The following KAZN variants were observed in gnomAD, a reference collection of about 807,000 sequenced individuals.
KAZN encodes kazrin.
In KAZN, 40 loss-of-function variants were observed where a neutral mutation model predicts 87.4. That is an observed-to-expected ratio of 0.46 (90% CI 0.36 to 0.60). KAZN has a LOEUF of 0.60. Ranked by LOEUF, KAZN falls within the 20% of genes least tolerant of loss-of-function variation. KAZN has a pLI of 0.00. For synonymous variants in KAZN, 466 were observed against 458.3 expected (o/e 1.02, Z -0.22); for missense variants, 898 against 1,073.9 (o/e 0.84, Z 2.29).
At chr1:13,961,705 GA>G (rs1641760013) in intron 1 of KAZN, among the ~76,000 whole-genome samples, 1 of 152,152 alleles carries the variant, frequency 6.6e-6, no homozygotes, top group Admixed American at 6.5e-5. Flanking sequence ...AGCCCACAGG[GA>G]CTCAGACAAG....
At chr1:13,989,824 G>C (rs1366318941) in intron 1 of KAZN, among the ~76,000 whole-genome samples, 1 of 152,182 alleles carries the variant, frequency 6.6e-6, no homozygotes, top group Non-Finnish European at 1.5e-5. Flanking sequence ...ATTGCTGCCT[G>C]CTCAGAGGCC....
chr1:15,095,012 G>A (rs972965361), intron 10 of KAZN, 79 bp downstream of exon 10: 18 of 955,308 alleles, frequency 1.9e-5, no homozygotes, highest in East Asian at 1.3e-4. Flanking sequence ...TGGGGTGAGC[G>A]GGGCACTGTG....
chr1:14,043,562 G>A (rs1641929990), intron 1 of KAZN, among the ~76,000 whole-genome samples: 1 of 151,848 alleles, frequency 6.6e-6, no homozygotes, highest in Non-Finnish European at 1.5e-5. Context: ...TACCAGCAAA[G>A]CAAAACTGTC....
chr1:14,843,232 A>G (rs1040258541), intron 1 of KAZN, among the ~76,000 whole-genome samples: 2 of 152,206 alleles, frequency 1.3e-5, no homozygotes, highest in Non-Finnish European at 2.9e-5. Flanking sequence ...GACTCAAGGC[A>G]GTGTGTGGGG....
At chr1:14,796,418 G>T (rs117721354) in intron 1 of KAZN, among the ~76,000 whole-genome samples, 1 of 152,056 alleles carries the variant, frequency 6.6e-6, no homozygotes, top group East Asian at 1.9e-4. Flanking sequence ...CCACCACCCC[G>T]CCTTCACATG....
At chr1:14,579,783 C>T (rs1433650011) in intron 2 of KAZN, among the ~76,000 whole-genome samples, 3 of 152,064 alleles carry the variant, frequency 2.0e-5, no homozygotes, top group Non-Finnish European at 4.4e-5. Context: ...AAGCAGCATC[C>T]AGGGGGACTC....
intron 1 of KAZN, among the ~76,000 whole-genome samples, chr1:14,837,015 T>C (rs144794612): frequency 6.6e-6 from 1 of 152,268 alleles, no homozygotes; most frequent in Non-Finnish European, 1.5e-5. Context: ...TACACAGCAG[T>C]TCTGTCCTGA....
intron 8 of KAZN, among the ~76,000 whole-genome samples, chr1:15,091,764 A>G (rs945311543): frequency 1.3e-4 from 20 of 152,240 alleles, no homozygotes; most frequent in African/African-American, 4.8e-4. Flanking sequence ...ACTCTCATCA[A>G]TAACCATTCA....
intron 2 of KAZN, among the ~76,000 whole-genome samples, chr1:14,314,371 A>T (rs1464633197): frequency 8.5e-5 from 13 of 152,174 alleles, no homozygotes; most frequent in Non-Finnish European, 1.5e-5. Context: ...CACATTACCC[A>T]GACTCATCAC....
At chr1:14,074,539 G>T (rs1436918510) in intron 1 of KAZN, among the ~76,000 whole-genome samples, 1 of 152,094 alleles carries the variant, frequency 6.6e-6, no homozygotes, top group Admixed American at 6.6e-5. Flanking sequence ...GAAATTCTGG[G>T]GTCCCGGGTA....
chr1:14,427,725 G>A (rs969606865), intron 2 of KAZN, among the ~76,000 whole-genome samples: 1 of 152,130 alleles, frequency 6.6e-6, no homozygotes, highest in African/African-American at 2.4e-5. Context: ...ATGTGGTTGG[G>A]TGTGAGTTTG....
intron 2 of KAZN, among the ~76,000 whole-genome samples, chr1:14,456,563 C>CA (rs1376390090): frequency 6.6e-6 from 1 of 152,116 alleles, no homozygotes; most frequent in African/African-American, 2.4e-5. Context: ...TAATTCAGCA[C>CA]AGTGTTGCAA....
At chr1:14,399,212 T>TCA (rs1020179738) in intron 2 of KAZN, among the ~76,000 whole-genome samples, 2 of 151,940 alleles carry the variant, frequency 1.3e-5, no homozygotes, top group African/African-American at 4.8e-5. Context: ...AGATGAGGTC[T>TCA]CACTATGTTG....
chr1:14,874,007 G>C (rs754403039), intron 1 of KAZN, among the ~76,000 whole-genome samples: 36 of 152,302 alleles, frequency 2.4e-4, no homozygotes, highest in Non-Finnish European at 4.0e-4. Flanking sequence ...GAGTTTAGAG[G>C]GGGTGGGCCA....
chr1:13,933,742 C>T (rs940780019), intron 1 of KAZN, among the ~76,000 whole-genome samples: 13 of 152,178 alleles, frequency 8.5e-5, no homozygotes, highest in Non-Finnish European at 1.5e-4. Flanking sequence ...GTGGCAGGCA[C>T]TGGTCATGAA....
intron 2 of KAZN, among the ~76,000 whole-genome samples, chr1:15,001,538 G>A (rs1668473673): frequency 6.6e-6 from 1 of 151,946 alleles, no homozygotes; most frequent in Admixed American, 6.6e-5. Flanking sequence ...TAAAAGGGAA[G>A]AGCAGCAGCC....
At chr1:14,477,168 C>G (rs1668781972) in intron 2 of KAZN, among the ~76,000 whole-genome samples, 1 of 152,118 alleles carries the variant, frequency 6.6e-6, no homozygotes, top group Non-Finnish European at 1.5e-5. Context: ...CTTTCCTGCA[C>G]TATTCTAGTG....
chr1:14,312,064 A>G (rs1004756367), intron 2 of KAZN, among the ~76,000 whole-genome samples: 2 of 152,168 alleles, frequency 1.3e-5, no homozygotes, highest in Admixed American at 6.6e-5. Flanking sequence ...TGGTCTGACA[A>G]CAGTGTGAAA....
intron 1 of KAZN, among the ~76,000 whole-genome samples, chr1:13,977,993 C>A (rs763533780): frequency 1.3e-5 from 2 of 151,966 alleles, no homozygotes; most frequent in Non-Finnish European, 2.9e-5. Flanking sequence ...CCAGGCCTGG[C>A]GGTGTGCGCC....
Sources: allele counts gnomAD v4.1 joint callset (sites outside exome capture counted in the v4.1 genomes callset), GRCh38; gene constraint gnomAD v4.1.1; transcripts MANE v1.5; gene names NCBI Gene and HGNC (gene_info 2026-07-23, HGNC 2026-07-21).